The following ATP2B4 variants were observed in gnomAD, a reference collection of about 807,000 sequenced individuals.
ATP2B4 encodes plasma membrane calcium-transporting ATPase 4.
ATP2B4 carries 39 observed loss-of-function variants against 110.3 expected under a neutral mutation model. The observed-to-expected ratio is 0.35, with a 90% CI of 0.27 to 0.46. ATP2B4 has a LOEUF of 0.46. Ranked by LOEUF, ATP2B4 falls within the 20% of genes least tolerant of loss-of-function variation. The pLI is 1.00. For missense variants in ATP2B4, 1,135 were observed against 1,530.9 expected, an observed-to-expected ratio of 0.74 and a Z score of 4.32; for synonymous variants, 538 against 571.7, an observed-to-expected ratio of 0.94 and a Z score of 0.84.
At chr1:203,680,622 A>AAGAAGG in intron 1 of ATP2B4, among the ~76,000 whole-genome samples, 1 of 6,004 alleles carries the variant, frequency 1.7e-4, no homozygotes, top group Non-Finnish European at 1.1e-3. Flanking sequence ...AAAAAAAGAA[A>AAGAAGG]AAAAAGATCA....
intron 1 of ATP2B4, among the ~76,000 whole-genome samples, chr1:203,652,465 A>G (rs1664028717): frequency 6.6e-6 from 1 of 152,188 alleles, no homozygotes; most frequent in Non-Finnish European, 1.5e-5. Context: ...AACTTCTAAA[A>G]GAAATAATTC....
intron 10 of ATP2B4, among the ~76,000 whole-genome samples, chr1:203,708,908 A>G (rs552524292): frequency 1.4e-4 from 22 of 152,202 alleles, no homozygotes; most frequent in Non-Finnish European, 2.8e-4. Flanking sequence ...TGTAATCCCA[A>G]CATTTTGGGA....
intron 1 of ATP2B4, among the ~76,000 whole-genome samples, chr1:203,669,371 C>G (rs1466753093): frequency 6.6e-6 from 1 of 152,136 alleles, no homozygotes; most frequent in African/African-American, 2.4e-5. Context: ...GGAGTGGTGC[C>G]TGGGTCTTAC....
intron 20 of ATP2B4, among the ~76,000 whole-genome samples, chr1:203,731,643 A>G (rs1666715789): frequency 6.6e-6 from 1 of 151,868 alleles, no homozygotes; most frequent in African/African-American, 2.4e-5. Flanking sequence ...CAAGGTCAGG[A>G]GTTCGAGACC....
chr1:203,702,007 G>A (rs371211904), intron 6 of ATP2B4, 37 bp from the exon 7 acceptor site: 2 of 1,613,148 alleles, frequency 1.2e-6, no homozygotes, highest in African/African-American at 2.7e-5. Context: ...AGTTACTTTG[G>A]GTTTCGACCC....
intron 1 of ATP2B4, among the ~76,000 whole-genome samples, chr1:203,663,253 CTTTA>C (rs1005370696): frequency 1.3e-5 from 2 of 152,180 alleles, no homozygotes; most frequent in African/African-American, 4.8e-5. Context: ...ATCCTGTCTT[CTTTA>C]TTTAGAATTC....
At chr1:203,707,264 A>G in intron 9 of ATP2B4, 41 bp downstream of exon 9, 1 of 1,562,614 alleles carries the variant, frequency 6.4e-7, no homozygotes, top group South Asian at 1.1e-5. Flanking sequence ...TAGGATAGAG[A>G]TGGGAGAGAA....
chr1:203,660,533 G>A (rs902983767), intron 1 of ATP2B4, among the ~76,000 whole-genome samples: 1 of 152,134 alleles, frequency 6.6e-6, no homozygotes, highest in Non-Finnish European at 1.5e-5. Context: ...TGGGCACAGT[G>A]GCTCACGCCT....
intron 15 of ATP2B4, among the ~76,000 whole-genome samples, chr1:203,719,237 A>G (rs1558050043): frequency 7.1e-6 from 1 of 141,276 alleles, no homozygotes; most frequent in African/African-American, 2.6e-5. Flanking sequence ...AAAAAAAAAA[A>G]AAAAAAAAGC....
intron 18 of ATP2B4, among the ~76,000 whole-genome samples, chr1:203,723,371 C>T (rs1437983285): frequency 1.0e-4 from 14 of 134,854 alleles, no homozygotes; most frequent in Admixed American, 4.8e-4. Flanking sequence ...AGTGTTATTA[C>T]GCCTGCCATT....
chr1:203,708,928 G>A (rs1156230710), intron 10 of ATP2B4, among the ~76,000 whole-genome samples: 3 of 152,100 alleles, frequency 2.0e-5, no homozygotes, highest in Non-Finnish European at 4.4e-5. Context: ...AGGTTGAGGT[G>A]GGCAGATCAC....
chr1:203,664,798 A>T (rs1664450900), intron 1 of ATP2B4, among the ~76,000 whole-genome samples: 1 of 152,170 alleles, frequency 6.6e-6, no homozygotes. Context: ...GTTGACAGTT[A>T]ACTGCACCTG....
chr1:203,666,374 GA>G (rs2102338681), intron 1 of ATP2B4, among the ~76,000 whole-genome samples: 1 of 152,322 alleles, frequency 6.6e-6, no homozygotes, highest in African/African-American at 2.4e-5. Flanking sequence ...CTGACCAGGG[GA>G]CCTGCAGGAG....
At chr1:203,658,745 C>A (rs971879811) in intron 1 of ATP2B4, among the ~76,000 whole-genome samples, 1 of 152,080 alleles carries the variant, frequency 6.6e-6, no homozygotes, top group Admixed American at 6.5e-5. Flanking sequence ...GTGGCCCATG[C>A]CTGTAATCCC....
intron 20 of ATP2B4, among the ~76,000 whole-genome samples, chr1:203,730,842 C>T (rs1558056394): frequency 6.6e-6 from 1 of 152,194 alleles, no homozygotes; most frequent in Non-Finnish European, 1.5e-5. Context: ...ACCAAATTCA[C>T]GCCATCCAGG....
Position 203,721,408 on chromosome 1 carries a change from C to A in ATP2B4, c.2810C>A (p.Ala937Glu), listed in dbSNP as rs750329048. The change falls in exon 17 of 21, where the codon GCG becomes GAG. Residue 937 changes from alanine to glutamate, a missense_variant and splice_region_variant. Transcript: ENST00000357681. ...QLIVIFILVFAGEKFFDIDSG... is the reference protein window; with the variant it reads ...QLIVIFILVFEGEKFFDIDSG... ...ATTGTCATCTTTATCCTTGTCTTTG[C>A]GGGTGAGCCACTTTGGGGGTGGGTA... The A allele has an allele frequency of 2.5e-6, 4 of 1,613,498 alleles. No homozygotes were observed. The highest frequency in any genetic ancestry group is 2.5e-6 in the Non-Finnish European group (3 of 1,179,810).
chr1:203,735,593 G>A lies in ATP2B4; in HGVS notation c.3310-3953G>A, dbSNP rs141174286. ...GTGTGGGTTGACCAGACTTAGATTT[G>A]TTTTGTCTCTTTAGCCAAAGTGTTC... On this transcript the variant is annotated intron_variant, in intron 20 of 20. Coordinates refer to ENST00000357681, the MANE Select transcript of ATP2B4 (RefSeq NM_001684.5). 1.3e-3 allele frequency among the ~76,000 whole-genome samples: 200 copies of A among 151,956 alleles called. 2 individuals are homozygous for A. The highest frequency in any genetic ancestry group is 4.5e-3 in the African/African-American group (187 of 41,428).
At chr1:203,704,653 G>C (rs942473665) in intron 8 of ATP2B4, among the ~76,000 whole-genome samples, 1 of 151,632 alleles carries the variant, frequency 6.6e-6, no homozygotes, top group African/African-American at 2.4e-5. Flanking sequence ...TCTAATTCTT[G>C]TATTTTTAGT....
intron 1 of ATP2B4, chr1:203,657,751 T>C (rs1664205980): frequency 5.8e-6 from 4 of 691,232 alleles, no homozygotes; most frequent in African/African-American, 3.6e-5. Flanking sequence ...ATATATTCGT[T>C]CTGTGGCATG....
Sources: allele counts gnomAD v4.1 joint callset (sites outside exome capture counted in the v4.1 genomes callset), GRCh38; gene constraint gnomAD v4.1.1; transcripts MANE v1.5; gene names NCBI Gene and HGNC (gene_info 2026-07-23, HGNC 2026-07-21).